The following PGS1 variants were observed in gnomAD, a reference collection of about 807,000 sequenced individuals.
PGS1 encodes phosphatidylglycerophosphate synthase 1.
In PGS1, 44 loss-of-function variants were observed where a neutral mutation model predicts 58.3. That is an observed-to-expected ratio of 0.75 (90% CI 0.59 to 0.97). PGS1 has a LOEUF of 0.97. Among genes scored for constraint, PGS1 ranks in the 50% least tolerant of loss-of-function variants. The pLI, the probability that PGS1 is intolerant of heterozygous loss-of-function variation, is 0.00. For synonymous variants in PGS1, 330 were observed against 311.0 expected, an observed-to-expected ratio of 1.06 and a Z score of -0.64; for missense variants, 684 against 731.1, an observed-to-expected ratio of 0.94 and a Z score of 0.74.
chr17:78,414,814 G>C, intron 7 of PGS1, 65 bp from the exon 8 acceptor site: 8 of 1,573,458 alleles, frequency 5.1e-6, no homozygotes. Flanking sequence ...TTGCAGCAGC[G>C]TGTGGAGAGG....
intron 1 of PGS1, among the ~76,000 whole-genome samples, chr17:78,384,956 G>C (rs1190911183): frequency 6.6e-6 from 1 of 152,196 alleles, no homozygotes; most frequent in Admixed American, 6.5e-5. Context: ...TCTGAGAAGC[G>C]GGCGCCCGGT....
At chr17:78,404,597 G>T (rs775559258) in intron 7 of PGS1, among the ~76,000 whole-genome samples, 4 of 152,022 alleles carry the variant, frequency 2.6e-5, no homozygotes, top group Non-Finnish European at 5.9e-5. Flanking sequence ...GACTGTATAT[G>T]GTCACATTAT....
At chr17:78,410,166 G>A (rs1047702669) in intron 7 of PGS1, among the ~76,000 whole-genome samples, 9 of 151,502 alleles carry the variant, frequency 5.9e-5, no homozygotes, top group African/African-American at 2.2e-4. Context: ...TGTGACTTAC[G>A]CCTGTAATCC....
chr17:78,395,535 A>T (rs567214167), intron 2 of PGS1, among the ~76,000 whole-genome samples: 3 of 152,054 alleles, frequency 2.0e-5, no homozygotes, highest in African/African-American at 7.2e-5. Context: ...GGTTTGACCT[A>T]TGGTAGCACT....
Position 78,400,894 on chromosome 17 carries a change from G to A in PGS1, c.880+39G>A. 1.3e-6 allele frequency: 2 copies of A among 1,521,740 alleles called. No individual in the cohort carries two copies. The highest frequency in any genetic ancestry group is 8.9e-7 in the Non-Finnish European group (1 of 1,124,880). 94.3% of individuals were successfully genotyped at this position (1,521,740 alleles called of 1,614,324 possible). ...CTGACACCCTTCTATGGCTGTGGGT[G>A]GGGTGGAGTGAGGGCCCGGGAGAGC... is the stretch of plus-strand genomic sequence containing the variant. On this transcript the variant is annotated intron_variant, in intron 6 of 9. Transcript: ENST00000262764. The surrounding 1 kb of genome is among the most constrained non-coding windows in gnomAD (Gnocchi z 4.4).
intron 2 of PGS1, among the ~76,000 whole-genome samples, chr17:78,394,257 T>C (rs560590311): frequency 6.8e-6 from 1 of 146,298 alleles, no homozygotes; most frequent in Non-Finnish European, 1.5e-5. Flanking sequence ...CAATAGGAAA[T>C]CTGGGTAGAG....
At chr17:78,407,688 A>T (rs927095559) in intron 7 of PGS1, among the ~76,000 whole-genome samples, 3 of 152,052 alleles carry the variant, frequency 2.0e-5, no homozygotes, top group African/African-American at 7.2e-5. Context: ...GGTAGCCAGG[A>T]CTCTGTGGAT....
In PGS1 at chr17:78,399,517, C is replaced by T; in HGVS notation, c.681C>T (p.Asp227=). The T allele has an allele frequency of 6.2e-7, 1 of 1,614,210 alleles. No individual in the cohort carries two copies. The highest frequency in any genetic ancestry group is 8.5e-7 in the Non-Finnish European group (1 of 1,180,040). ...AGCACATTAAGGTGTACCTCTTCGA[C>T]AACAGCGTCATCTTGAGCGGGTGAG... The part of the protein sequence containing the change: ...GLQHIKVYLF[D]NSVILSGANL... The change falls in exon 5 of 10, where the codon GAC becomes GAT. Residue 227 remains aspartate, a synonymous_variant. Transcript: ENST00000262764.
intron 1 of PGS1, among the ~76,000 whole-genome samples, chr17:78,389,073 T>C (rs990635371): frequency 1.3e-5 from 2 of 149,254 alleles, no homozygotes; most frequent in East Asian, 2.0e-4. Flanking sequence ...TTTTTTTTTT[T>C]TTGCGGGGGG....
chr17:78,400,741 G>A lies in PGS1; in HGVS notation c.766G>A (p.Ala256Thr), dbSNP rs1232712083. The A allele has an allele frequency of 6.2e-7, 1 of 1,613,970 alleles. No individual in the cohort carries two copies. The highest frequency in any genetic ancestry group is 8.5e-7 in the Non-Finnish European group (1 of 1,180,024). Residue 256 changes from alanine to threonine, a missense_variant, in exon 6 of 10, where the codon GCG becomes ACG. Physicochemically the swap from Ala to Thr is moderately conservative, Grantham distance 58. Transcript: ENST00000262764. This position sits in a 1 kb window ranked among gnomAD's most constrained non-coding sequence, Gnocchi z 4.4. ...QDRYVFLQDCAEIADFFTELV... is the reference protein window; with the variant it reads ...QDRYVFLQDCTEIADFFTELV... ...CCGCTACGTGTTCCTGCAGGACTGTGCGGAGATTGCCGACTTCTTCACGGA... is the reference window on the plus strand; with the variant it reads ...CCGCTACGTGTTCCTGCAGGACTGTACGGAGATTGCCGACTTCTTCACGGA...
chr17:78,390,817 C>T (rs568155621), intron 1 of PGS1, among the ~76,000 whole-genome samples: 1 of 152,284 alleles, frequency 6.6e-6, no homozygotes, highest in African/African-American at 2.4e-5. Context: ...GCCTTGGCCT[C>T]AGTGGAGTGT....
In PGS1 at chr17:78,380,825, G is replaced by C. The variant is rs933249053; in HGVS notation, c.143+2017G>C. ...ATATTTTAAAAAAGAAATCTCTCAT[G>C]AGTGTGCTTTTTTTCTTTTTCTTTT... On this transcript the variant is annotated intron_variant, in intron 1 of 9. Transcript: ENST00000262764. 5.3e-5 allele frequency: 8 copies of C among 152,214 alleles called. 1 individual carries two copies. The highest frequency in any genetic ancestry group is 1.0e-4 in the Non-Finnish European group (7 of 68,016). The allele number at this position is 152,214 out of a possible 1,614,324, so 9.4% of individuals were successfully genotyped here. A position where few individuals can be genotyped will look rare whatever the true frequency, so the allele number is the denominator to read the frequency against.
intron 1 of PGS1, among the ~76,000 whole-genome samples, chr17:78,391,727 C>T (rs1032126639): frequency 1.4e-4 from 21 of 152,150 alleles, no homozygotes; most frequent in African/African-American, 5.1e-4. Context: ...GTCTACCTGC[C>T]TCGGCCTCCC....
intron 8 of PGS1, among the ~76,000 whole-genome samples, chr17:78,417,998 C>T (rs777238450): frequency 4.6e-4 from 69 of 148,796 alleles, no homozygotes; most frequent in Non-Finnish European, 6.8e-4. Flanking sequence ...GGCACGATCT[C>T]GGCTCACTGT....
chr17:78,391,624 C>T (rs2082840083), intron 1 of PGS1, among the ~76,000 whole-genome samples: 2 of 152,106 alleles, frequency 1.3e-5, no homozygotes, highest in Non-Finnish European at 2.9e-5. Context: ...ACTACAGTCA[C>T]ATACCACCAC....
At chr17:78,421,647 C>G (rs529818018) in intron 9 of PGS1, 1 of 152,276 alleles carries the variant, frequency 6.6e-6, no homozygotes, top group Non-Finnish European at 1.5e-5. Flanking sequence ...TGCAGGGGCA[C>G]TGGGTTTCTG....
intron 7 of PGS1, among the ~76,000 whole-genome samples, chr17:78,405,314 G>A (rs1392151515): frequency 1.3e-5 from 2 of 152,170 alleles, no homozygotes; most frequent in Admixed American, 1.3e-4. Flanking sequence ...CTTTCTCAGG[G>A]AGAAAGAAGA....
intron 2 of PGS1, among the ~76,000 whole-genome samples, 193 bp downstream of exon 2, chr17:78,392,858 C>T (rs543820349): frequency 4.6e-5 from 7 of 152,252 alleles, no homozygotes; most frequent in Non-Finnish European, 8.8e-5. Context: ...GTGGGGCCAG[C>T]GTCTCAGGTG....
intron 1 of PGS1, among the ~76,000 whole-genome samples, chr17:78,380,456 A>G (rs1355005198): frequency 6.6e-6 from 1 of 152,244 alleles, no homozygotes; most frequent in Non-Finnish European, 1.5e-5. Context: ...GAATCAGGGC[A>G]GGATGGCGCT....
Sources: allele counts gnomAD v4.1 joint callset (sites outside exome capture counted in the v4.1 genomes callset), GRCh38; gene constraint gnomAD v4.1.1; non-coding constraint Gnocchi (gnomAD v3.1); transcripts MANE v1.5; gene names NCBI Gene and HGNC (gene_info 2026-07-23, HGNC 2026-07-21).